ECE1: variants seen among roughly 807,000 people sequenced by gnomAD.
ECE1 encodes endothelin converting enzyme 1, also known as endothelin-converting enzyme 1.
Under a neutral mutation model 98.6 loss-of-function variants are expected in ECE1, and 35 were observed. That is an observed-to-expected ratio of 0.35 (90% CI 0.27 to 0.47). ECE1 has a LOEUF of 0.47. Among genes scored for constraint, ECE1 ranks in the 20% least tolerant of loss-of-function variants. ECE1 has a pLI of 1.00. For missense variants in ECE1, 814 were observed against 1,025.3 expected (o/e 0.79, Z 2.81); for synonymous variants, 394 against 407.1 (o/e 0.97, Z 0.39).
intron 2 of ECE1, among the ~76,000 whole-genome samples, chr1:21,285,062 A>G (rs1002113245): frequency 1.3e-5 from 2 of 152,116 alleles, no homozygotes; most frequent in African/African-American, 4.8e-5. Flanking sequence ...GGCTGAGGCA[A>G]TGGGGTCAGT....
chr1:21,278,767 T>C (rs938109996), intron 3 of ECE1, among the ~76,000 whole-genome samples: 1 of 152,186 alleles, frequency 6.6e-6, no homozygotes, highest in African/African-American at 2.4e-5. Context: ...TGTCAGCCTA[T>C]GTGTGTAATT....
intron 1 of ECE1, among the ~76,000 whole-genome samples, chr1:21,336,127 T>TC (rs1313637012): frequency 2.0e-5 from 3 of 152,202 alleles, no homozygotes; most frequent in African/African-American, 7.2e-5. Flanking sequence ...ATACCTGTAA[T>TC]CCCAGCACCA....
upstream of ECE1, among the ~76,000 whole-genome samples, chr1:21,292,994 T>C (rs189447166): frequency 2.0e-3 from 307 of 152,292 alleles, 1 homozygote; most frequent in African/African-American, 6.9e-3. Flanking sequence ...CAGGTGTCGA[T>C]TGCCAGAGGA....
chr1:21,273,714 G>A (rs917014340), intron 3 of ECE1, among the ~76,000 whole-genome samples: 1 of 152,220 alleles, frequency 6.6e-6, no homozygotes, highest in Non-Finnish European at 1.5e-5. Flanking sequence ...TGTAATCCCA[G>A]CACTTTGGGA....
intron 2 of ECE1, among the ~76,000 whole-genome samples, chr1:21,287,973 A>C (rs78469651): frequency 1.4e-5 from 2 of 147,212 alleles, no homozygotes; most frequent in Non-Finnish European, 3.0e-5. Flanking sequence ...AAAAAAAAAA[A>C]CAATGATTGA....
chr1:21,345,422 G>T lies in ECE1; in HGVS notation c.-44C>A. ...CGGCTTCGCGCAGCTCCCCGCGCCC[G>T]GCTCCCGATTCCCAGCTCCGGGTTC... On this transcript the variant is annotated 5_prime_UTR_variant, in exon 1 of 19. Coordinates refer to the ECE1 transcript ENST00000415912. The surrounding 1 kb of genome is among the most constrained non-coding windows in gnomAD (Gnocchi z 5.1). 7.6e-7 allele frequency: 1 copy of T among 1,316,956 alleles called. No homozygotes were observed. 81.6% of individuals were successfully genotyped at this position (1,316,956 alleles called of 1,614,324 possible). A position where few individuals can be genotyped will look rare whatever the true frequency, so the allele number is the denominator to read the frequency against.
At chr1:21,259,845 C>G (rs1338818011) in intron 5 of ECE1, among the ~76,000 whole-genome samples, 1 of 152,122 alleles carries the variant, frequency 6.6e-6, no homozygotes, top group African/African-American at 2.4e-5. Context: ...GGGGAGGGCT[C>G]TGGTTCTGGG....
At chr1:21,275,035 T>C (rs2098244913) in intron 3 of ECE1, among the ~76,000 whole-genome samples, 1 of 152,176 alleles carries the variant, frequency 6.6e-6, no homozygotes, top group South Asian at 2.1e-4. Context: ...AGTATTACGA[T>C]ATAACTCCAT....
upstream of ECE1, among the ~76,000 whole-genome samples, chr1:21,291,480 C>T (rs919754035): frequency 5.3e-5 from 8 of 152,206 alleles, no homozygotes; most frequent in African/African-American, 1.9e-4. Context: ...GGCTTCCACT[C>T]CTGCCCTCTG....
At chr1:21,279,125 C>T (rs200256624) in intron 3 of ECE1, 66 bp downstream of exon 3, 67 of 1,613,130 alleles carry the variant, frequency 4.2e-5, no homozygotes, top group Non-Finnish European at 5.1e-5. Flanking sequence ...AAGCCCCCCT[C>T]GCCCGAGCTG....
At chr1:21,270,996 C>A (rs960509860) in intron 4 of ECE1, among the ~76,000 whole-genome samples, 1 of 152,216 alleles carries the variant, frequency 6.6e-6, no homozygotes, top group African/African-American at 2.4e-5. Context: ...CAATGATAGA[C>A]ATATTTGCCT....
At chr1:21,257,919 C>T (rs540074575) in intron 6 of ECE1, among the ~76,000 whole-genome samples, 2 of 152,350 alleles carry the variant, frequency 1.3e-5, no homozygotes, top group African/African-American at 4.8e-5. Context: ...CACTCAAAAG[C>T]TGTGTGATCT....
Position 21,258,117 on chromosome 1 carries a change from T to A in ECE1, c.763-527A>T, listed in dbSNP as rs1208166556. ...ACCCATGGCCACATCTTGGCATACCTAGGACAGGTGTTATTGCAATCCATT... is the reference window on the plus strand; with the variant it reads ...ACCCATGGCCACATCTTGGCATACCAAGGACAGGTGTTATTGCAATCCATT... On this transcript the variant is annotated intron_variant, in intron 6 of 18. Coordinates refer to ENST00000374893, the MANE Select transcript of ECE1 (RefSeq NM_001397.3). The surrounding 1 kb of genome is among the most constrained non-coding windows in gnomAD (Gnocchi z 4.2). 6.6e-6 allele frequency among the ~76,000 whole-genome samples: 1 copy of A among 152,206 alleles called. No homozygotes were observed. The highest frequency in any genetic ancestry group is 1.5e-5 in the Non-Finnish European group (1 of 68,038).
At chr1:21,301,202 G>C (rs1434010232) in intron 1 of ECE1, among the ~76,000 whole-genome samples, 1 of 152,132 alleles carries the variant, frequency 6.6e-6, no homozygotes, top group African/African-American at 2.4e-5. Flanking sequence ...TTCTTAAAAA[G>C]CCAATTCATG....
chr1:21,317,005 T>C (rs1638844847), intron 1 of ECE1, among the ~76,000 whole-genome samples: 2 of 151,934 alleles, frequency 1.3e-5, no homozygotes, highest in South Asian at 4.2e-4. Flanking sequence ...AGACAGTCAC[T>C]GAAGAGTCTC....
At chr1:21,279,058 C>T (rs917485651) in intron 3 of ECE1, 133 bp downstream of exon 3, 34 of 1,474,744 alleles carry the variant, frequency 2.3e-5, no homozygotes, top group Non-Finnish European at 2.9e-5. Flanking sequence ...AGCACCCAGA[C>T]CCCCCTGGGC....
chr1:21,317,238 C>T (rs2103397190), intron 1 of ECE1, among the ~76,000 whole-genome samples: 1 of 152,298 alleles, frequency 6.6e-6, no homozygotes, highest in Non-Finnish European at 1.5e-5. Flanking sequence ...CTGTGCTTTG[C>T]TGCCATGCGA....
intron 1 of ECE1, among the ~76,000 whole-genome samples, chr1:21,336,563 G>A (rs1288079102): frequency 2.6e-5 from 4 of 152,324 alleles, no homozygotes; most frequent in African/African-American, 9.6e-5. Context: ...GGCTGTGGCC[G>A]GGCGCGGTGG....
At chr1:21,246,265 T>C (rs1202034623) in intron 9 of ECE1, among the ~76,000 whole-genome samples, 5 of 152,016 alleles carry the variant, frequency 3.3e-5, no homozygotes, top group Non-Finnish European at 5.9e-5. Context: ...TTTGGGAGGC[T>C]GAGGCAGGCA....
Sources: allele counts gnomAD v4.1 joint callset (sites outside exome capture counted in the v4.1 genomes callset), GRCh38; gene constraint gnomAD v4.1.1; non-coding constraint Gnocchi (gnomAD v3.1); transcripts MANE v1.5; gene names NCBI Gene and HGNC (gene_info 2026-07-23, HGNC 2026-07-21).